Variants in TEX14 observed in about 807,000 individuals in gnomAD.
The protein encoded by TEX14 is inactive serine/threonine-protein kinase TEX14.
In TEX14, 168 loss-of-function variants were observed where a neutral mutation model predicts 178.6. The observed-to-expected ratio is 0.94, with a 90% CI of 0.83 to 1.07. TEX14 has a LOEUF of 1.07. Among genes scored for constraint, TEX14 ranks in the 50% least tolerant of loss-of-function variants. TEX14 has a pLI of 0.00. For synonymous variants in TEX14, 626 were observed against 634.1 expected, an observed-to-expected ratio of 0.99 and a Z score of 0.19; for missense variants, 1,730 against 1,753.6, an observed-to-expected ratio of 0.99 and a Z score of 0.24.
At chr17:58,671,384 T>C (rs556376224) in intron 1 of TEX14, among the ~76,000 whole-genome samples, 17 of 152,292 alleles carry the variant, frequency 1.1e-4, no homozygotes, top group African/African-American at 4.1e-4. Context: ...TGTGAGATAG[T>C]GGTGAAGATT....
Position 58,599,462 on chromosome 17 carries a change from C to T in TEX14, c.1883G>A (p.Gly628Asp). The change falls in exon 14 of 32, where the codon GGC becomes GAC. Residue 628 changes from glycine to aspartate, a missense_variant. Gly to Asp is a moderately conservative substitution (Grantham distance 94). This residue lies in a region of TEX14 where 941 missense variants were observed against 1,072.4 expected (regional missense o/e 0.88). Transcript: ENST00000349033. ...CSFEINEIYSGCLILEDDIEE... is the reference protein window; with the variant it reads ...CSFEINEIYSDCLILEDDIEE... ...TATGTCATCTTCCAAAATCAAGCAG[C>T]CTGAGTAGATCTCGTTGATTTCGAA... The T allele has an allele frequency of 1.2e-6, 2 of 1,614,110 alleles. No homozygotes were observed. Among genetic ancestry groups the T allele is most frequent in the Admixed American group, 1.7e-5 (1 of 60,006 alleles).
intron 1 of TEX14, among the ~76,000 whole-genome samples, chr17:58,677,365 C>T (rs545097063): frequency 2.0e-5 from 3 of 152,188 alleles, no homozygotes; most frequent in Non-Finnish European, 4.4e-5. Context: ...ATATGTGGTA[C>T]TCATTGTGTA....
At chr17:58,641,889 A>C (rs2046585109) in intron 2 of TEX14, among the ~76,000 whole-genome samples, 1 of 152,198 alleles carries the variant, frequency 6.6e-6, no homozygotes, top group Non-Finnish European at 1.5e-5. Flanking sequence ...CTCCTTTCAT[A>C]GATGCTGGGT....
At chr17:58,630,150 G>A (rs959911140) in intron 3 of TEX14, among the ~76,000 whole-genome samples, 17 of 150,988 alleles carry the variant, frequency 1.1e-4, no homozygotes, top group Admixed American at 5.3e-4. Context: ...TCCACCTCCC[G>A]GGTTCAAATG....
chr17:58,603,538 G>T (rs1245131921), intron 11 of TEX14, among the ~76,000 whole-genome samples: 1 of 133,130 alleles, frequency 7.5e-6, no homozygotes, highest in Non-Finnish European at 1.6e-5. Context: ...CTGGGCAACA[G>T]AGTAAGACTC....
At chr17:58,561,808 G>A (rs945377157) in intron 28 of TEX14, among the ~76,000 whole-genome samples, 196 bp from the exon 29 acceptor site, 2 of 151,868 alleles carry the variant, frequency 1.3e-5, no homozygotes, top group African/African-American at 2.4e-5. Context: ...TGCACTGGTC[G>A]GGTGTGGTGG....
At chr17:58,640,785 T>C (rs2046556061) in intron 2 of TEX14, among the ~76,000 whole-genome samples, 2 of 152,090 alleles carry the variant, frequency 1.3e-5, no homozygotes, top group South Asian at 4.1e-4. Flanking sequence ...AGTGGTGCAA[T>C]CTCAGCTCAG....
rs1335084647 is a variant in TEX14 at position 58,561,556 on chromosome 17, C to A, written c.4121G>T (p.Ser1374Ile). Residue 1374 changes from serine (S) to isoleucine (I), a missense_variant, in exon 29 of 32, where the codon AGC becomes ATC. Ser to Ile is a moderately radical substitution (Grantham distance 142). Transcript: ENST00000349033. ...CTTGGGAAGGTCTTGTAGCTCCACGCTCTCCTCAGGTGGCTGCAGCCATCT... is the reference window on the plus strand; with the variant it reads ...CTTGGGAAGGTCTTGTAGCTCCACGATCTCCTCAGGTGGCTGCAGCCATCT... ...LERWLQPPEE[S>I]VELQDLPKGS... 6.2e-7 allele frequency: 1 copy of A among 1,613,918 alleles called. No homozygotes were observed. Among genetic ancestry groups the A allele is most frequent in the Non-Finnish European group, 8.5e-7 (1 of 1,179,882 alleles).
chr17:58,679,678 G>C (rs931576418), intron 1 of TEX14: 2 of 152,246 alleles, frequency 1.3e-5, no homozygotes, highest in Admixed American at 1.3e-4. Context: ...TATTTCCCTT[G>C]CCAGTTAAGT....
At chr17:58,675,512 T>A (rs186509140) in intron 1 of TEX14, 1 of 152,360 alleles carries the variant, frequency 6.6e-6, no homozygotes, top group East Asian at 1.9e-4. Context: ...AATACAATAT[T>A]GGGGTTATGT....
intron 1 of TEX14, among the ~76,000 whole-genome samples, chr17:58,655,287 G>A (rs560670725): frequency 1.7e-4 from 26 of 151,972 alleles, no homozygotes; most frequent in Middle Eastern, 6.8e-3. Context: ...GGGTTCAAGC[G>A]ATTCTCCTGC....
At chr17:58,630,760 T>A (rs2046268841) in intron 2 of TEX14, among the ~76,000 whole-genome samples, 1 of 152,200 alleles carries the variant, frequency 6.6e-6, no homozygotes, top group Non-Finnish European at 1.5e-5. Context: ...TCAAAAATAT[T>A]TGCAGAAAGT....
At chr17:58,672,580 C>T (rs304263) in intron 1 of TEX14, among the ~76,000 whole-genome samples, 45,250 of 151,964 alleles carry the variant, frequency 0.3, 7,223 homozygotes, top group Middle Eastern at 0.48. Flanking sequence ...ATTATAGGCA[C>T]GCGCCACCAG....
rs914868366 is a variant in TEX14, at chr17:58,658,213, C to T, written c.-1-6211G>A. On this transcript the variant is annotated intron_variant, in intron 1 of 31. Transcript: ENST00000349033. ...CCGGTCTCCTGCACAGCTGGCTCTG[C>T]GTGAATTACTCTTTCTCTATTGCAA... is the stretch of plus-strand genomic sequence containing the variant. Among the ~76,000 whole-genome samples, 8 of 152,230 alleles carry T rather than the reference C, an allele frequency of 5.3e-5. No homozygotes were observed. The South Asian group carries it at 6.2e-4, about 12-fold the overall frequency.
rs2047105250 is a variant in TEX14 at position 58,661,303 on chromosome 17, C to T, written c.-1-9301G>A. The T allele has an allele frequency of 1.3e-5, 11 of 820,804 alleles. No homozygotes were observed. The East Asian group carries it at 2.7e-4, about 20-fold the overall frequency. 50.8% of individuals were successfully genotyped at this position (820,804 alleles called of 1,614,324 possible). ...GAGCCTGCTGCAAATGATCTAGACGCTTACGGGGGTTGACTTGTTTCATGG... is the reference window on the plus strand; with the variant it reads ...GAGCCTGCTGCAAATGATCTAGACGTTTACGGGGGTTGACTTGTTTCATGG... On this transcript the variant is annotated intron_variant, in intron 1 of 31. Coordinates refer to ENST00000349033, the MANE Select transcript of TEX14 (RefSeq NM_031272.5).
intron 1 of TEX14, among the ~76,000 whole-genome samples, chr17:58,667,769 C>T (rs1231316713): frequency 6.6e-6 from 1 of 151,930 alleles, no homozygotes; most frequent in South Asian, 2.1e-4. Flanking sequence ...CCTGTAATCC[C>T]AGCTACTTGG....
chr17:58,676,385 C>A (rs530861036), intron 1 of TEX14, among the ~76,000 whole-genome samples: 73 of 149,894 alleles, frequency 4.9e-4, no homozygotes, highest in Admixed American at 1.7e-3. Context: ...TCAAAAAAAA[C>A]CAAAAAAACA....
At chr17:58,642,646 G>C (rs1434819027) in intron 2 of TEX14, among the ~76,000 whole-genome samples, 1 of 151,846 alleles carries the variant, frequency 6.6e-6, no homozygotes, top group African/African-American at 2.4e-5. Context: ...TCCTGCCTCA[G>C]CCTCCCACCT....
At chr17:58,595,193 TA>T (rs2045251321) in intron 14 of TEX14, among the ~76,000 whole-genome samples, 1 of 152,204 alleles carries the variant, frequency 6.6e-6, no homozygotes, top group African/African-American at 2.4e-5. Context: ...TCAATATAAT[TA>T]AAATTTTAAG....
Sources: allele counts gnomAD v4.1 joint callset (sites outside exome capture counted in the v4.1 genomes callset), GRCh38; gene constraint gnomAD v4.1.1; regional missense constraint gnomAD v4.1.1; transcripts MANE v1.5; gene names NCBI Gene and HGNC (gene_info 2026-07-23, HGNC 2026-07-21).